The following RNF213 variants were observed in gnomAD, a reference collection of about 807,000 sequenced individuals.
RNF213 encodes the protein E3 ubiquitin-protein ligase RNF213.
In RNF213, 341 loss-of-function variants were observed where a neutral mutation model predicts 514.4. That is an observed-to-expected ratio of 0.66 (90% CI 0.61 to 0.73). The LOEUF is 0.73. RNF213 is among the 30% of genes least tolerant of loss of function. The pLI, the probability that RNF213 is intolerant of heterozygous loss-of-function variation, is 0.00. For synonymous variants in RNF213, 2,655 were observed against 2,658.2 expected, an observed-to-expected ratio of 1.00 and a Z score of 0.04; for missense variants, 5,767 against 6,615.6, an observed-to-expected ratio of 0.87 and a Z score of 4.45.
Position 80,377,935 on chromosome 17 carries a change from T to A in RNF213, c.13545+139T>A. On this transcript the variant is annotated intron_variant, in intron 54 of 67. Coordinates refer to ENST00000582970, the MANE Select transcript of RNF213 (RefSeq NM_001256071.3). The surrounding 1 kb of genome is among the most constrained non-coding windows in gnomAD (Gnocchi z 4.1). ...TCACCGAGGACTGCCCAGGGTGCTCTGAGCAGGGCAATGCCAATGGCGCTA... is the reference window on the plus strand; with the variant it reads ...TCACCGAGGACTGCCCAGGGTGCTCAGAGCAGGGCAATGCCAATGGCGCTA... 1 of 976,656 alleles carries A rather than the reference T, an allele frequency of 1.0e-6. No homozygotes were observed. Among genetic ancestry groups the A allele is most frequent in the Non-Finnish European group, 1.7e-6 (1 of 605,552 alleles). 60.5% of individuals were successfully genotyped at this position (976,656 alleles called of 1,614,324 possible).
chr17:80,273,865 C>A (rs1219217054), intron 3 of RNF213, among the ~76,000 whole-genome samples: 1 of 151,960 alleles, frequency 6.6e-6, no homozygotes, highest in Non-Finnish European at 1.5e-5. Context: ...GGAGATCCAC[C>A]CACCTCGGCC....
chr17:80,281,019 C>A (rs1393599075), intron 3 of RNF213, among the ~76,000 whole-genome samples: 1 of 151,616 alleles, frequency 6.6e-6, no homozygotes, highest in East Asian at 1.9e-4. Context: ...GTGTCTAGAC[C>A]ATGGGCTCAG....
At position 80,263,039 on chromosome 17, in the gene RNF213, C is replaced by T. The variant is rs2043479738; in HGVS notation, c.-108-535C>T. Among the ~76,000 whole-genome samples the T allele has an allele frequency of 6.6e-6, 1 of 152,236 alleles. No individual in the cohort carries two copies. Among genetic ancestry groups the T allele is most frequent in the African/African-American group, 2.4e-5 (1 of 41,458 alleles). On this transcript the variant is annotated intron_variant, in intron 1 of 67. Transcript: ENST00000582970. The surrounding 1 kb of genome is among the most constrained non-coding windows in gnomAD (Gnocchi z 4.9). ...AGCGCCCAAACGCCATCTCCACTCT[C>T]ACCCTGGATGCAAGAAGTGACCCCG...
At chr17:80,274,270 G>A (rs1171049156) in intron 3 of RNF213, among the ~76,000 whole-genome samples, 1 of 152,004 alleles carries the variant, frequency 6.6e-6, no homozygotes, top group Non-Finnish European at 1.5e-5. Context: ...GCCTTGAACA[G>A]CCTCTTAGGC....
At chr17:80,381,219 T>C (rs2079986885) in intron 56 of RNF213, 1 of 615,342 alleles carries the variant, frequency 1.6e-6, no homozygotes, top group Non-Finnish European at 2.9e-6. Context: ...ACACTCTGTG[T>C]CTCTGGTCCA....
At chr17:80,309,648 C>A (rs897145621) in intron 14 of RNF213, among the ~76,000 whole-genome samples, 1 of 152,310 alleles carries the variant, frequency 6.6e-6, no homozygotes, top group African/African-American at 2.4e-5. Context: ...ACACATCTGC[C>A]CCCCGCTGCA....
At position 80,332,225 on chromosome 17, in the gene RNF213, A is replaced by G; in HGVS notation, c.3737A>G (p.Glu1246Gly). The G allele has an allele frequency of 6.5e-7, 1 of 1,537,216 alleles. No homozygotes were observed. The highest frequency in any genetic ancestry group is 8.7e-7 in the Non-Finnish European group (1 of 1,146,918). Reference protein sequence around the residue: ...FWREAAEPLSEPKEDQEAAEL... With the variant: ...FWREAAEPLSGPKEDQEAAEL... ...CGGGAAGCCGCAGAGCCGCTGAGTG[A>G]GCCTAAGGAGGACCAGGAAGCCGCA... Residue 1246 changes from glutamate (E) to glycine (G), a missense_variant, in exon 21 of 68, where the codon GAG (glutamate) becomes GGG (glycine). By Grantham distance (98) the Glu-to-Gly change is moderately conservative (BLOSUM62 -2). Around this residue, in one of 13 missense-constraint regions of RNF213, gnomAD observed 516 missense variants for 566.5 expected, o/e 0.91. Transcript: ENST00000582970.
At position 80,339,481 on chromosome 17, in the gene RNF213, C is replaced by T. The variant is rs147868237; in HGVS notation, c.5114C>T (p.Thr1705Met). 59 of 1,537,122 alleles carry T rather than the reference C, an allele frequency of 3.8e-5. No individual in the cohort carries two copies. The highest frequency in any genetic ancestry group is 4.4e-5 in the Non-Finnish European group (51 of 1,146,914). ...RMEHFYLNFY[T>M]AEQLVYLSTE... ...GAGCACTTTTACCTGAACTTCTACA[C>T]GGCAGAGCAGCTGGTTTACCTGAGC... Residue 1705 changes from threonine (T) to methionine (M), a missense_variant, in exon 26 of 68, where the codon ACG (threonine) becomes ATG (methionine). By Grantham distance (81) the Thr-to-Met change is moderately conservative (BLOSUM62 -1). Around this residue, in one of 13 missense-constraint regions of RNF213, gnomAD observed 1,377 missense variants for 1,635.2 expected, o/e 0.84. Coordinates refer to ENST00000582970, the MANE Select transcript of RNF213 (RefSeq NM_001256071.3).
intron 54 of RNF213, 150 bp from the exon 55 acceptor site, chr17:80,379,470 T>C: frequency 1.3e-6 from 1 of 771,780 alleles, no homozygotes; most frequent in South Asian, 1.4e-5. Context: ...TTCCCATGGG[T>C]TCTCCACCCA....
chr17:80,331,449 C>T (rs2046414348), intron 20 of RNF213, among the ~76,000 whole-genome samples: 2 of 147,800 alleles, frequency 1.4e-5, no homozygotes, highest in South Asian at 4.2e-4. Flanking sequence ...AGTGCAGTGA[C>T]ACAGTCTCAG....
chr17:80,379,709 G>C lies in RNF213; in HGVS notation c.13635G>C (p.Leu4545=). ...IDHKPRDGFH[L]VKDKADRTQT... Reference sequence around the variant, plus strand: ...ACAAACCTCGGGACGGCTTTCATCTGGTCAAGTATGTGGGTCAGGATTCTA... The same window carrying C: ...ACAAACCTCGGGACGGCTTTCATCTCGTCAAGTATGTGGGTCAGGATTCTA... Residue 4545 remains leucine (L), a synonymous_variant, in exon 55 of 68, where the codon CTG becomes CTC. Coordinates refer to ENST00000582970, the MANE Select transcript of RNF213 (RefSeq NM_001256071.3). 1 of 1,613,914 alleles carries C rather than the reference G, an allele frequency of 6.2e-7. No homozygotes were observed. The highest frequency in any genetic ancestry group is 8.5e-7 in the Non-Finnish European group (1 of 1,179,798).
chr17:80,328,769 G>A (rs1027086782), intron 20 of RNF213, among the ~76,000 whole-genome samples: 1 of 152,164 alleles, frequency 6.6e-6, no homozygotes, highest in Non-Finnish European at 1.5e-5. Context: ...CACATTTCTG[G>A]TCTGTGCCCT....
intron 31 of RNF213, among the ~76,000 whole-genome samples, chr17:80,350,811 G>A (rs1160543008): frequency 2.0e-5 from 3 of 152,140 alleles, no homozygotes; most frequent in Non-Finnish European, 4.4e-5. Flanking sequence ...CCACAAAAAA[G>A]GTGAAATGCG....
rs958234003 is a variant in RNF213, at chr17:80,260,895, G to T, written c.-116G>T. 6.6e-6 allele frequency: 1 copy of T among 151,284 alleles called. No individual in the cohort carries two copies. The highest frequency in any genetic ancestry group is 2.4e-5 in the African/African-American group (1 of 41,238). 9.4% of individuals were successfully genotyped at this position (151,284 alleles called of 1,614,324 possible). ...GCGCGCGGCAGGCGGCGAGCTCGGG[G>T]GCCGCAGGTGCGAGCGGGCCTGGAG... is the stretch of plus-strand genomic sequence containing the variant. On this transcript the variant is annotated 5_prime_UTR_variant, in exon 1 of 68. Transcript: ENST00000582970.
At position 80,372,004 on chromosome 17, in the gene RNF213, C is replaced by T. The variant is rs1248429369; in HGVS notation, c.12537+19C>T. ...CCTGGAGGTAAGTGAACTCTCTCTT[C>T]CCTGAATTTCTTTTGGAAACTATCT... On this transcript the variant is annotated intron_variant, in intron 47 of 67. Coordinates refer to ENST00000582970, the MANE Select transcript of RNF213 (RefSeq NM_001256071.3). The T allele has an allele frequency of 7.9e-7, 1 of 1,261,766 alleles. No individual in the cohort carries two copies. Among genetic ancestry groups the T allele is most frequent in the Non-Finnish European group, 1.2e-6 (1 of 858,150 alleles). 78.2% of individuals were successfully genotyped at this position (1,261,766 alleles called of 1,614,324 possible). A position where few individuals can be genotyped will look rare whatever the true frequency, so the allele number is the denominator to read the frequency against.
chr17:80,311,483 G>A (rs1181372385), intron 14 of RNF213, among the ~76,000 whole-genome samples: 2 of 152,162 alleles, frequency 1.3e-5, no homozygotes, highest in African/African-American at 4.8e-5. Flanking sequence ...TTTTCTGTCG[G>A]CCCCCGCCCC....
At chr17:80,340,419 C>A in intron 26 of RNF213, 63 bp downstream of exon 26, 1 of 1,477,520 alleles carries the variant, frequency 6.8e-7, no homozygotes, top group Non-Finnish European at 9.2e-7. Flanking sequence ...CCCTTCCCCC[C>A]TCCAGCAGAT....
In RNF213 at chr17:80,347,870, G is replaced by A. The variant is rs755241729; in HGVS notation, c.9535G>A (p.Val3179Met). 6.2e-6 allele frequency: 10 copies of A among 1,614,132 alleles called. No homozygotes were observed. Among genetic ancestry groups the A allele is most frequent in the African/African-American group, 1.3e-5 (1 of 74,938 alleles). ...GAAGCACTATCTGGATATCAACACGGTGCTGGAGAAATGGCAGAAGAGCAT... is the reference window on the plus strand; with the variant it reads ...GAAGCACTATCTGGATATCAACACGATGCTGGAGAAATGGCAGAAGAGCAT... ...LEKHYLDINT[V>M]LEKWQKSIVE... is the part of the protein sequence containing the mutation. The change falls in exon 29 of 68, where the codon GTG (valine) becomes ATG (methionine). Residue 3179 changes from valine to methionine, a missense_variant. Physicochemically the swap from Val to Met is conservative, Grantham distance 21. Transcript: ENST00000582970. The surrounding 1 kb of genome is among the most constrained non-coding windows in gnomAD (Gnocchi z 7.2).
rs1200768117 is a variant in RNF213, at chr17:80,345,776, G to A, written c.7441G>A (p.Asp2481Asn). The A allele has an allele frequency of 4.3e-6, 7 of 1,614,184 alleles. No individual in the cohort carries two copies. The highest frequency in any genetic ancestry group is 3.3e-5 in the Admixed American group (2 of 60,030). Residue 2481 changes from aspartate to asparagine, a missense_variant, in exon 29 of 68, where the codon GAC becomes AAC. Around this residue, in one of 13 missense-constraint regions of RNF213, gnomAD observed 1,377 missense variants for 1,635.2 expected, o/e 0.84. Coordinates refer to ENST00000582970, the MANE Select transcript of RNF213 (RefSeq NM_001256071.3). The surrounding 1 kb of genome is among the most constrained non-coding windows in gnomAD (Gnocchi z 6.0). ...AFANKDQHQL[D>N]TILFFDEANT... Reference sequence around the variant, plus strand: ...CGCCAATAAGGACCAACATCAGTTGGACACCATCTTGTTTTTTGATGAAGC... The same window carrying A: ...CGCCAATAAGGACCAACATCAGTTGAACACCATCTTGTTTTTTGATGAAGC...
Sources: gnomAD v4.1 joint callset for allele counts (sites outside exome capture counted in the v4.1 genomes callset) on GRCh38, gnomAD v4.1.1 for gene constraint, gnomAD v4.1.1 regional missense constraint, Gnocchi (gnomAD v3.1) non-coding constraint, MANE v1.5 for transcripts, NCBI Gene and HGNC (gene_info 2026-07-23, HGNC 2026-07-21) for gene names.